The following GNA12 variants were observed in gnomAD, a reference collection of about 807,000 sequenced individuals.
GNA12 encodes G protein subunit alpha 12, also known as guanine nucleotide-binding protein subunit alpha-12.
GNA12 carries 9 observed loss-of-function variants against 26.0 expected under a neutral mutation model. The observed-to-expected ratio is 0.35, with a 90% confidence interval of 0.21 to 0.60. GNA12 has a LOEUF of 0.60. GNA12 is among the 20% of genes least tolerant of loss of function. The pLI, the probability that GNA12 is intolerant of heterozygous loss-of-function variation, is 0.78. For missense variants in GNA12, 405 were observed against 525.8 expected (o/e 0.77, Z 2.25); for synonymous variants, 264 against 219.6 (o/e 1.20, Z -1.79).
At chr7:2,732,234 C>T (rs1336344765) in intron 3 of GNA12, among the ~76,000 whole-genome samples, 1 of 152,172 alleles carries the variant, frequency 6.6e-6, no homozygotes, top group Non-Finnish European at 1.5e-5. Context: ...GCATACTCTT[C>T]ACTCACTTTG....
At position 2,743,996 on chromosome 7, in the gene GNA12, T is replaced by C. The variant is rs1790639686; in HGVS notation, c.526-10495A>G. On this transcript the variant is annotated intron_variant, in intron 2 of 3. Transcript: ENST00000275364. ...GAGGGGTACCCACCATTGCCGAGACTTGATTAGGTAAACAAAGCAGCCGGG... is the reference window on the plus strand; with the variant it reads ...GAGGGGTACCCACCATTGCCGAGACCTGATTAGGTAAACAAAGCAGCCGGG... 1.3e-5 allele frequency among the ~76,000 whole-genome samples: 2 copies of C among 152,222 alleles called. 1 individual carries two copies. Among genetic ancestry groups the C allele is most frequent in the South Asian group, 4.1e-4 (2 of 4,822 alleles).
At position 2,792,354 on chromosome 7, in the gene GNA12, C is replaced by A. The variant is rs568871815; in HGVS notation, c.525+2574G>T. ...GCACAGCATAACTGGTACGGGCTTA[C>A]TTCCATGTCGTGACAATACAAGGGC... On this transcript the variant is annotated intron_variant, in intron 2 of 3. Transcript: ENST00000275364. Among the ~76,000 whole-genome samples the A allele has an allele frequency of 2.0e-3, 305 of 152,316 alleles. 3 individuals carry two copies. The highest frequency in any genetic ancestry group is 2.9e-3 in the Non-Finnish European group (195 of 68,032).
intron 2 of GNA12, among the ~76,000 whole-genome samples, chr7:2,790,631 A>G (rs1002709466): frequency 2.0e-5 from 3 of 152,222 alleles, no homozygotes; most frequent in South Asian, 2.1e-4. Context: ...AGACACTGAT[A>G]TATCTATATC....
chr7:2,774,724 T>C (rs1197678319), intron 2 of GNA12, among the ~76,000 whole-genome samples: 1 of 152,262 alleles, frequency 6.6e-6, no homozygotes, highest in African/African-American at 2.4e-5. Context: ...CCTTTTTATA[T>C]AACTTCTTTC....
chr7:2,798,614 T>A (rs936847874), intron 1 of GNA12, among the ~76,000 whole-genome samples: 2 of 152,250 alleles, frequency 1.3e-5, no homozygotes, highest in Non-Finnish European at 2.9e-5. Flanking sequence ...TAGCACAATT[T>A]CCATAAAATC....
chr7:2,780,048 G>GTGTGTATATATATATATA (rs748113158), intron 2 of GNA12, among the ~76,000 whole-genome samples: 23 of 84,724 alleles, frequency 2.7e-4, no homozygotes, highest in Non-Finnish European at 3.8e-4. Context: ...ACATTTCTGT[G>GTGTGTATATATATATATA]TACATATATA....
intron 3 of GNA12, among the ~76,000 whole-genome samples, chr7:2,732,261 A>G (rs1274526169): frequency 6.6e-6 from 1 of 152,160 alleles, no homozygotes; most frequent in Non-Finnish European, 1.5e-5. Flanking sequence ...CACTATTAAT[A>G]ATCCTCCAGG....
chr7:2,833,016 G>C (rs1259508349), intron 1 of GNA12, among the ~76,000 whole-genome samples: 4 of 152,190 alleles, frequency 2.6e-5, no homozygotes, highest in Non-Finnish European at 5.9e-5. Context: ...GGACACACCT[G>C]AGCATTTATC....
chr7:2,777,629 A>G (rs1792110960), intron 2 of GNA12, among the ~76,000 whole-genome samples: 1 of 152,174 alleles, frequency 6.6e-6, no homozygotes, highest in African/African-American at 2.4e-5. Context: ...CATGTGAGGA[A>G]GCAGCAGGAA....
chr7:2,820,564 A>C (rs1422709899), intron 1 of GNA12, among the ~76,000 whole-genome samples: 1 of 152,150 alleles, frequency 6.6e-6, no homozygotes, highest in Non-Finnish European at 1.5e-5. Flanking sequence ...AAAGCTAAAA[A>C]ATTGAAAAAG....
chr7:2,735,951 T>A (rs1200224521), intron 2 of GNA12, among the ~76,000 whole-genome samples: 1 of 152,116 alleles, frequency 6.6e-6, no homozygotes, highest in African/African-American at 2.4e-5. Flanking sequence ...GTCACTCACA[T>A]CCGCACTCTT....
intron 1 of GNA12, chr7:2,835,905 A>T: frequency 1.8e-6 from 1 of 547,304 alleles, no homozygotes; most frequent in Non-Finnish European, 3.5e-6. Flanking sequence ...AAAATTTGCA[A>T]GAAGCAACTG....
intron 2 of GNA12, among the ~76,000 whole-genome samples, chr7:2,783,320 A>G (rs1792276108): frequency 6.6e-6 from 1 of 152,164 alleles, no homozygotes; most frequent in African/African-American, 2.4e-5. Context: ...GGTTGCCTGG[A>G]CTGCCATGGT....
At chr7:2,773,720 A>C (rs1429312554) in intron 2 of GNA12, among the ~76,000 whole-genome samples, 1 of 152,184 alleles carries the variant, frequency 6.6e-6, no homozygotes, top group Non-Finnish European at 1.5e-5. Flanking sequence ...AAATCCATGA[A>C]CACTGAACCC....
chr7:2,736,126 C>T (rs182591711), intron 2 of GNA12, among the ~76,000 whole-genome samples: 1 of 152,324 alleles, frequency 6.6e-6, no homozygotes, highest in East Asian at 1.9e-4. Flanking sequence ...GCATTTTCAA[C>T]ACTAAGAGAA....
intron 2 of GNA12, among the ~76,000 whole-genome samples, chr7:2,772,417 G>A (rs549851181): frequency 1.6e-4 from 24 of 152,178 alleles, no homozygotes; most frequent in East Asian, 3.9e-4. Flanking sequence ...AAAATTAGCC[G>A]GGCGTGGTGG....
At chr7:2,760,000 A>G (rs1264032100) in intron 2 of GNA12, among the ~76,000 whole-genome samples, 1 of 152,266 alleles carries the variant, frequency 6.6e-6, no homozygotes, top group Non-Finnish European at 1.5e-5. Flanking sequence ...ATGCATAAAA[A>G]TGACAGGAAC....
At chr7:2,812,497 C>T (rs138496783) in intron 1 of GNA12, among the ~76,000 whole-genome samples, 146 of 152,252 alleles carry the variant, frequency 9.6e-4, no homozygotes, top group East Asian at 5.0e-3. Flanking sequence ...GGTGTGGTGG[C>T]GCATGCCTGT....
chr7:2,803,805 A>C (rs1792875053), intron 1 of GNA12, among the ~76,000 whole-genome samples: 1 of 152,082 alleles, frequency 6.6e-6, no homozygotes, highest in Non-Finnish European at 1.5e-5. Flanking sequence ...AAACAAAACA[A>C]AACAAAACAA....
Sources: gnomAD v4.1 joint callset for allele counts (sites outside exome capture counted in the v4.1 genomes callset) on GRCh38, gnomAD v4.1.1 for gene constraint, MANE v1.5 for transcripts, NCBI Gene and HGNC (gene_info 2026-07-23, HGNC 2026-07-21) for gene names.